Variants in EPHA6 observed in about 807,000 individuals in gnomAD.
EPHA6 encodes the protein EPH receptor A6.
In EPHA6, 50 loss-of-function variants were observed where a neutral mutation model predicts 112.0. That is an observed-to-expected ratio of 0.45 (90% CI 0.36 to 0.56). The LOEUF is 0.56. Ranked by LOEUF, EPHA6 falls within the 20% of genes least tolerant of loss-of-function variation. The pLI is 0.00. For synonymous variants in EPHA6, 529 were observed against 490.7 expected, an observed-to-expected ratio of 1.08 and a Z score of -1.03; for missense variants, 1,280 against 1,417.4, an observed-to-expected ratio of 0.90 and a Z score of 1.56.
intron 11 of EPHA6, among the ~76,000 whole-genome samples, chr3:97,554,250 A>T (rs1243984927): frequency 6.6e-6 from 1 of 152,154 alleles, no homozygotes; most frequent in Non-Finnish European, 1.5e-5. Context: ...TAAAGGTAAA[A>T]TCTGATTATC....
At chr3:97,100,950 C>T (rs4857053) in intron 3 of EPHA6, among the ~76,000 whole-genome samples, 32,001 of 151,762 alleles carry the variant, frequency 0.21, 4,783 homozygotes, top group African/African-American at 0.4. Flanking sequence ...ATCTCTATTA[C>T]AGAATGAAAT....
At chr3:96,881,289 G>A (rs2037298614) in intron 2 of EPHA6, among the ~76,000 whole-genome samples, 1 of 152,108 alleles carries the variant, frequency 6.6e-6, no homozygotes, top group Non-Finnish European at 1.5e-5. Flanking sequence ...AGACTAGGAA[G>A]AAAAATAGGT....
intron 1 of EPHA6, among the ~76,000 whole-genome samples, chr3:96,864,194 G>A (rs1364174293): frequency 1.3e-5 from 2 of 151,946 alleles, no homozygotes; most frequent in South Asian, 2.1e-4. Flanking sequence ...AACATTTTCT[G>A]TATAACCCAC....
intron 14 of EPHA6, among the ~76,000 whole-genome samples, chr3:97,652,820 C>T (rs939981163): frequency 6.6e-6 from 1 of 151,706 alleles, no homozygotes. Context: ...TTTTTTATTT[C>T]TAATTTAATT....
Position 97,592,657 on chromosome 3 carries a change from T to C in EPHA6, c.2432T>C (p.Leu811Pro), listed in dbSNP as rs771012415. The C allele has an allele frequency of 6.2e-7, 1 of 1,613,684 alleles. No homozygotes were observed. The highest frequency in any genetic ancestry group is 1.7e-5 in the Admixed American group (1 of 59,948). ...IGVEAFCPSF[L>P]RAGFLNSIQA... is the part of the protein sequence containing the mutation. The stretch of plus-strand genomic sequence containing the variant: ...GTGGAGGCGTTTTGCCCCAGCTTCC[T>C]GAGGGCAGGGTTTTTAAATAGCATC... The change falls in exon 12 of 18, where the codon CTG (leucine) becomes CCG (proline). Residue 811 changes from leucine (L) to proline (P), a missense_variant. Coordinates refer to ENST00000389672, the MANE Select transcript of EPHA6 (RefSeq NM_001080448.3).
intron 3 of EPHA6, among the ~76,000 whole-genome samples, chr3:97,029,732 T>G (rs2044759376): frequency 6.6e-6 from 1 of 152,156 alleles, no homozygotes; most frequent in Non-Finnish European, 1.5e-5. Flanking sequence ...CAATCATATC[T>G]CATCAAAGTT....
intron 5 of EPHA6, among the ~76,000 whole-genome samples, chr3:97,403,512 T>A (rs1480884201): frequency 6.6e-6 from 1 of 152,206 alleles, no homozygotes; most frequent in Non-Finnish European, 1.5e-5. Flanking sequence ...AGTGGCACTC[T>A]CTCCGCTCAC....
At chr3:97,539,596 A>G (rs1284402526) in intron 11 of EPHA6, among the ~76,000 whole-genome samples, 2 of 152,194 alleles carry the variant, frequency 1.3e-5, no homozygotes, top group Admixed American at 6.5e-5. Flanking sequence ...ATGATGAATG[A>G]CAATGGTGTC....
intron 11 of EPHA6, among the ~76,000 whole-genome samples, chr3:97,576,927 G>A (rs2093392421): frequency 6.6e-6 from 1 of 152,198 alleles, no homozygotes; most frequent in Non-Finnish European, 1.5e-5. Flanking sequence ...GGTTGTGATA[G>A]CAAAAGTGTG....
chr3:97,084,125 G>GATATATATATAT (rs747964175), intron 3 of EPHA6, among the ~76,000 whole-genome samples: 10 of 92,452 alleles, frequency 1.1e-4, no homozygotes, highest in Admixed American at 5.3e-4. Flanking sequence ...TATATATATG[G>GATATATATATAT]ATATATATCC....
intron 2 of EPHA6, among the ~76,000 whole-genome samples, chr3:96,877,498 C>T (rs62262950): frequency 0.031 from 4,703 of 151,878 alleles, 102 homozygotes; most frequent in Middle Eastern, 0.068. Flanking sequence ...AATTATTCAC[C>T]CCAGGTGGTT....
chr3:97,063,739 G>C (rs1236826569), intron 3 of EPHA6, among the ~76,000 whole-genome samples: 2 of 152,034 alleles, frequency 1.3e-5, no homozygotes, highest in African/African-American at 2.4e-5. Context: ...GACAGGAGAA[G>C]CATAAAAAAT....
At chr3:97,099,501 G>A (rs1002458241) in intron 3 of EPHA6, among the ~76,000 whole-genome samples, 1 of 151,876 alleles carries the variant, frequency 6.6e-6, no homozygotes, top group Non-Finnish European at 1.5e-5. Context: ...AATTGTGATA[G>A]TGTGTTATGT....
At chr3:97,504,073 G>T (rs2092187986) in intron 10 of EPHA6, among the ~76,000 whole-genome samples, 1 of 152,174 alleles carries the variant, frequency 6.6e-6, no homozygotes, top group South Asian at 2.1e-4. Context: ...TATTAAAACA[G>T]TAGAAGATTA....
chr3:97,737,865 A>T (rs1381005190), intron 16 of EPHA6, among the ~76,000 whole-genome samples: 1 of 152,110 alleles, frequency 6.6e-6, no homozygotes, highest in Non-Finnish European at 1.5e-5. Context: ...GAACTGAACA[A>T]AAAGTACCCA....
chr3:97,688,973 A>G (rs1374776607), intron 14 of EPHA6, among the ~76,000 whole-genome samples: 2 of 152,196 alleles, frequency 1.3e-5, no homozygotes, highest in East Asian at 3.9e-4. Flanking sequence ...GATTATGCCT[A>G]TCATTAAAAT....
At chr3:96,852,166 C>A (rs1044933308) in intron 1 of EPHA6, among the ~76,000 whole-genome samples, 1 of 151,914 alleles carries the variant, frequency 6.6e-6, no homozygotes, top group African/African-American at 2.4e-5. Context: ...ATGGAAATGC[C>A]TCTTTTTCTT....
At chr3:97,056,558 T>C (rs2045859368) in intron 3 of EPHA6, among the ~76,000 whole-genome samples, 1 of 152,198 alleles carries the variant, frequency 6.6e-6, no homozygotes, top group Admixed American at 6.5e-5. Context: ...CCTCATGTAC[T>C]GTATAACGCC....
At chr3:96,968,718 A>C (rs1034677314) in intron 2 of EPHA6, among the ~76,000 whole-genome samples, 1 of 151,848 alleles carries the variant, frequency 6.6e-6, no homozygotes, top group African/African-American at 2.4e-5. Flanking sequence ...TTAGTTTACT[A>C]TTCTGTGCAA....
Sources: gnomAD v4.1 joint callset for allele counts (sites outside exome capture counted in the v4.1 genomes callset) on GRCh38, gnomAD v4.1.1 for gene constraint, MANE v1.5 for transcripts, NCBI Gene and HGNC (gene_info 2026-07-23, HGNC 2026-07-21) for gene names.